The following SH2D4A variants were observed in gnomAD, a reference collection of about 807,000 sequenced individuals.
The protein encoded by SH2D4A is SH2 domain containing 4A, also known as SH2 domain-containing protein 4A.
In SH2D4A, 70 loss-of-function variants were observed where a neutral mutation model predicts 64.7. The observed-to-expected ratio is 1.08, with a 90% CI of 0.89 to 1.32. SH2D4A has a LOEUF of 1.32. SH2D4A is among the 40% of genes most tolerant of loss of function. The probability of loss-of-function intolerance (pLI) is 0.00; values close to 1 mark genes in which losing one functional copy is unlikely to be tolerated. For synonymous variants in SH2D4A, 268 were observed against 200.7 expected, an observed-to-expected ratio of 1.34 and a Z score of -2.83; for missense variants, 706 against 540.1, an observed-to-expected ratio of 1.31 and a Z score of -3.04.
chr8:19,328,096 G>GA (rs1490755611), intron 2 of SH2D4A, among the ~76,000 whole-genome samples: 6 of 152,112 alleles, frequency 3.9e-5, no homozygotes, highest in Non-Finnish European at 2.9e-5. Context: ...TGTCAATCAG[G>GA]ACTCTCTTTT....
chr8:19,322,916 C>T (rs1440978932), intron 2 of SH2D4A, among the ~76,000 whole-genome samples: 1 of 152,080 alleles, frequency 6.6e-6, no homozygotes, highest in East Asian at 1.9e-4. Flanking sequence ...CTCAAGTGAT[C>T]CACCCACCTC....
intron 1 of SH2D4A, among the ~76,000 whole-genome samples, chr8:19,318,004 C>A (rs558601479): frequency 1.3e-5 from 2 of 152,024 alleles, no homozygotes; most frequent in South Asian, 2.1e-4. Flanking sequence ...TAGGTTCAAG[C>A]GATCTCCTGT....
chr8:19,381,475 A>T (rs1017580474), intron 8 of SH2D4A, among the ~76,000 whole-genome samples: 29 of 152,330 alleles, frequency 1.9e-4, no homozygotes, highest in African/African-American at 7.0e-4. Context: ...TTGTTAGTGT[A>T]TAGAAATGCA....
chr8:19,316,239 C>T (rs2052085627), intron 1 of SH2D4A, among the ~76,000 whole-genome samples: 1 of 152,210 alleles, frequency 6.6e-6, no homozygotes, highest in South Asian at 2.1e-4. Context: ...ACAAGGAAGC[C>T]AGTGTCTTTC....
chr8:19,359,069 G>C (rs2052838441), intron 5 of SH2D4A, among the ~76,000 whole-genome samples: 1 of 152,210 alleles, frequency 6.6e-6, no homozygotes, highest in Non-Finnish European at 1.5e-5. Context: ...TCTGAATAGA[G>C]AAAGTAAACC....
At chr8:19,333,416 G>A (rs1246057401) in intron 3 of SH2D4A, among the ~76,000 whole-genome samples, 1 of 152,088 alleles carries the variant, frequency 6.6e-6, no homozygotes. Flanking sequence ...TTCCAGTTTT[G>A]ATCTGTATGA....
chr8:19,388,616 C>A (rs899839866), intron 8 of SH2D4A, among the ~76,000 whole-genome samples: 2 of 152,188 alleles, frequency 1.3e-5, no homozygotes, highest in African/African-American at 4.8e-5. Context: ...TTTTTAAACA[C>A]ATTTTCCAGA....
At chr8:19,340,722 C>T (rs2052517196) in intron 4 of SH2D4A, among the ~76,000 whole-genome samples, 2 of 150,892 alleles carry the variant, frequency 1.3e-5, no homozygotes, top group Admixed American at 6.6e-5. Flanking sequence ...CCTTCAGCCT[C>T]AGCCTCCTGA....
At chr8:19,319,128 G>A (rs1050991707) in intron 1 of SH2D4A, among the ~76,000 whole-genome samples, 2 of 149,180 alleles carry the variant, frequency 1.3e-5, no homozygotes, top group Non-Finnish European at 3.0e-5. Context: ...GTTAGGGTTT[G>A]TTTTCTTTTT....
At chr8:19,317,346 G>C (rs929066863) in intron 1 of SH2D4A, among the ~76,000 whole-genome samples, 33 of 145,844 alleles carry the variant, frequency 2.3e-4, no homozygotes, top group African/African-American at 8.6e-4. Context: ...AGCCTTTAAG[G>C]GTATCTCAAT....
chr8:19,347,679 G>A (rs1269435623), intron 4 of SH2D4A, among the ~76,000 whole-genome samples: 1 of 152,146 alleles, frequency 6.6e-6, no homozygotes, highest in Non-Finnish European at 1.5e-5. Flanking sequence ...TATTTTTACA[G>A]AAATGGCCTT....
intron 8 of SH2D4A, 74 bp downstream of exon 8, chr8:19,373,734 G>A (rs2053150547): frequency 3.4e-5 from 51 of 1,506,826 alleles, no homozygotes; most frequent in East Asian, 6.9e-5. Context: ...CAGGAAGCCA[G>A]AATAAAAGCT....
At chr8:19,342,327 C>A (rs552923824) in intron 4 of SH2D4A, among the ~76,000 whole-genome samples, 2 of 152,332 alleles carry the variant, frequency 1.3e-5, no homozygotes, top group Admixed American at 1.3e-4. Flanking sequence ...CCTACAGTTA[C>A]TTCTTCATTA....
rs779398009 is a variant in SH2D4A, at chr8:19,373,588, T to C, written c.976T>C (p.Phe326Leu). ...SSAQEDIIRW[F>L]KEEQLPLRAG... ...TGCCCAAGAGGACATCATCCGGTGGTTTAAAGAGGAGCAGCTACCACTTCG... is the reference window on the plus strand; with the variant it reads ...TGCCCAAGAGGACATCATCCGGTGGCTTAAAGAGGAGCAGCTACCACTTCG... The change falls in exon 8 of 10, where the codon TTT (phenylalanine) becomes CTT (leucine). Residue 326 changes from phenylalanine (F) to leucine (L), a missense_variant. Coordinates refer to ENST00000265807, the MANE Select transcript of SH2D4A (RefSeq NM_022071.4). 6.2e-7 allele frequency: 1 copy of C among 1,612,880 alleles called. No individual in the cohort carries two copies. Among genetic ancestry groups the C allele is most frequent in the South Asian group, 1.1e-5 (1 of 90,998 alleles).
At chr8:19,313,892 T>C (rs1423415327) in intron 1 of SH2D4A, 69 bp downstream of exon 1, 2 of 1,372,690 alleles carry the variant, frequency 1.5e-6, no homozygotes, top group African/African-American at 3.0e-5. Context: ...GGAAGGGAAT[T>C]TCCTCGGAGG....
In SH2D4A at chr8:19,367,371, T is replaced by C. The variant is rs185856136; in HGVS notation, c.917+3089T>C. Among the ~76,000 whole-genome samples the C allele has an allele frequency of 2.6e-5, 4 of 152,364 alleles. No individual in the cohort carries two copies. The East Asian group carries it at 7.7e-4, about 29-fold the overall frequency. On this transcript the variant is annotated intron_variant, in intron 7 of 9. Coordinates refer to ENST00000265807, the MANE Select transcript of SH2D4A (RefSeq NM_022071.4). Reference sequence around the variant, plus strand: ...AATTTATATTCTTACTAGCAGGCTATGAGAGTTCTCCTTTCTCTAGATTCT... The same window carrying C: ...AATTTATATTCTTACTAGCAGGCTACGAGAGTTCTCCTTTCTCTAGATTCT...
Position 19,364,271 on chromosome 8 carries a change from A to G in SH2D4A, c.906A>G (p.Gln302=), listed in dbSNP as rs763617839. The G allele has an allele frequency of 6.2e-6, 10 of 1,614,016 alleles. No individual in the cohort carries two copies. The highest frequency in any genetic ancestry group is 8.5e-6 in the Non-Finnish European group (10 of 1,179,990). The change falls in exon 7 of 10, where the codon CAA becomes CAG. Residue 302 remains glutamine (Q), a synonymous_variant. Coordinates refer to ENST00000265807, the MANE Select transcript of SH2D4A (RefSeq NM_022071.4). ...TCCTAAACTCAGGGGCATATCCTCA[A>G]AAACCTCTTAGGTAAGAAGCCACAC... ...PQFLNSGAYP[Q]KPLRNQGVVR...
intron 7 of SH2D4A, among the ~76,000 whole-genome samples, chr8:19,367,712 C>T (rs182408017): frequency 6.6e-6 from 1 of 152,236 alleles, no homozygotes; most frequent in Non-Finnish European, 1.5e-5. Context: ...GCAGCAGAAT[C>T]CTTTTTAGCT....
chr8:19,362,725 G>A (rs756637211), intron 6 of SH2D4A, among the ~76,000 whole-genome samples: 1 of 151,992 alleles, frequency 6.6e-6, no homozygotes, highest in African/African-American at 2.4e-5. Context: ...GGGCAATGTA[G>A]CAAGACTGAG....
Sources: gnomAD v4.1 joint callset for allele counts (sites outside exome capture counted in the v4.1 genomes callset) on GRCh38, gnomAD v4.1.1 for gene constraint, MANE v1.5 for transcripts, NCBI Gene and HGNC (gene_info 2026-07-23, HGNC 2026-07-21) for gene names.